Variants in SPATA16 observed in about 807,000 individuals in gnomAD.
SPATA16 encodes the protein spermatogenesis associated 16.
Under a neutral mutation model 63.3 loss-of-function variants are expected in SPATA16, and 36 were observed. The observed-to-expected ratio is 0.57, with a 90% CI of 0.44 to 0.75. SPATA16 has a LOEUF of 0.75. Ranked by LOEUF, SPATA16 falls within the 30% of genes least tolerant of loss-of-function variation. SPATA16 has a pLI of 0.00. For missense variants in SPATA16, 646 were observed against 679.3 expected (o/e 0.95, Z 0.54); for synonymous variants, 203 against 216.7 (o/e 0.94, Z 0.56).
chr3:173,066,432 C>A lies in SPATA16; in HGVS notation c.613-17338G>T, dbSNP rs917506698. 2.6e-5 allele frequency among the ~76,000 whole-genome samples: 4 copies of A among 152,288 alleles called. No homozygotes were observed. The South Asian group carries it at 8.3e-4, about 32-fold the overall frequency. Reference sequence around the variant, plus strand: ...ATGGCCTCGGGAGTGCCTGTGTCAACCCTCCTCCAACTCCAGGCAGCCCAG... The same window carrying A: ...ATGGCCTCGGGAGTGCCTGTGTCAAACCTCCTCCAACTCCAGGCAGCCCAG... On this transcript the variant is annotated intron_variant, in intron 2 of 10. Coordinates refer to ENST00000351008, the MANE Select transcript of SPATA16 (RefSeq NM_031955.6).
intron 10 of SPATA16, among the ~76,000 whole-genome samples, chr3:172,898,203 A>G (rs1577081373): frequency 6.6e-6 from 1 of 151,828 alleles, no homozygotes; most frequent in East Asian, 1.9e-4. Flanking sequence ...TGGTTTGTAG[A>G]TTTTTTGCGT....
At chr3:173,087,453 A>G (rs7636078) in intron 2 of SPATA16, among the ~76,000 whole-genome samples, 5,570 of 152,186 alleles carry the variant, frequency 0.037, 346 homozygotes, top group African/African-American at 0.13. Context: ...ATTACAGCAC[A>G]CTGATGGGTC....
Position 173,028,023 on chromosome 3 carries a change from T to TTTCCTTCCTTCCTTCCTTCC in SPATA16, c.759-8468_759-8449dup, listed in dbSNP as rs1224712418. On this transcript the variant is annotated intron_variant, in intron 3 of 10. Transcript: ENST00000351008. ...CCTCCCTCCCTCCCTCCCTTCCTTC[T>TTTCCTTCCTTCCTTCCTTCC]TTCCTTCCTTCCTTCCTTCCTTCCT... Among the ~76,000 whole-genome samples the TTTCCTTCCTTCCTTCCTTCC allele has an allele frequency of 6.1e-3, 224 of 36,650 alleles. 1 individual carries two copies. The highest frequency in any genetic ancestry group is 0.013 in the African/African-American group (110 of 8,488). The allele number at this position is 36,650 out of a possible 152,430, so 24.0% of individuals were successfully genotyped here.
At chr3:173,134,382 A>C (rs990734851) in intron 1 of SPATA16, among the ~76,000 whole-genome samples, 1 of 152,010 alleles carries the variant, frequency 6.6e-6, no homozygotes. Context: ...CCAGCTACTC[A>C]AGAGGCTGAG....
intron 5 of SPATA16, among the ~76,000 whole-genome samples, chr3:172,976,428 A>C (rs1051246045): frequency 2.0e-5 from 3 of 152,154 alleles, no homozygotes; most frequent in Admixed American, 1.3e-4. Flanking sequence ...TATACGTTTA[A>C]GAAATTATGA....
At chr3:172,932,811 G>A (rs1031881526) in intron 6 of SPATA16, among the ~76,000 whole-genome samples, 1 of 151,686 alleles carries the variant, frequency 6.6e-6, no homozygotes, top group Admixed American at 6.6e-5. Flanking sequence ...ATTTCCCTTT[G>A]ACCTTCATTA....
chr3:172,971,299 A>T (rs1734042420), intron 5 of SPATA16, among the ~76,000 whole-genome samples: 2 of 152,254 alleles, frequency 1.3e-5, no homozygotes, highest in South Asian at 4.1e-4. Flanking sequence ...CAAAATGTTC[A>T]TTGGATTCAT....
chr3:172,998,362 A>C (rs1197437226), intron 4 of SPATA16, among the ~76,000 whole-genome samples: 1 of 152,138 alleles, frequency 6.6e-6, no homozygotes, highest in Non-Finnish European at 1.5e-5. Context: ...TGGTTATAGG[A>C]AAGTGATTGA....
chr3:173,021,071 C>T lies in SPATA16; in HGVS notation c.759-1496G>A, dbSNP rs140885675. ...GTATTCCACATTAAAAACATGCAGACGAAAATAATTCAATTCCCAGAAACA... is the reference window on the plus strand; with the variant it reads ...GTATTCCACATTAAAAACATGCAGATGAAAATAATTCAATTCCCAGAAACA... On this transcript the variant is annotated intron_variant, in intron 3 of 10. Transcript: ENST00000351008. Among the ~76,000 whole-genome samples, 202 of 151,948 alleles carry T rather than the reference C, an allele frequency of 1.3e-3. 1 individual carries two copies. Among genetic ancestry groups the T allele is most frequent in the African/African-American group, 4.6e-3 (189 of 41,434 alleles).
intron 4 of SPATA16, among the ~76,000 whole-genome samples, chr3:173,017,938 G>T (rs959706115): frequency 6.6e-6 from 1 of 152,146 alleles, no homozygotes; most frequent in Non-Finnish European, 1.5e-5. Context: ...CATTCATACT[G>T]CGAGGAAACA....
intron 10 of SPATA16, among the ~76,000 whole-genome samples, chr3:172,891,330 A>G (rs1731890550): frequency 6.6e-6 from 1 of 152,222 alleles, no homozygotes; most frequent in Non-Finnish European, 1.5e-5. Context: ...CATTAAGAGC[A>G]GTACTGAGTA....
At position 173,117,502 on chromosome 3, in the gene SPATA16, A is replaced by C. The variant is rs768524604; in HGVS notation, c.230T>G (p.Leu77Ter). ...KGIKEKQSNDLEKAAFKRKAE... is the reference protein window; with the variant it reads ...KGIKEKQSND ...CTTCCGTTTAAAGGCTGCTTTCTCT[A>C]AATCATTGCTTTGTTTTTCTTTGAT... is the stretch of plus-strand genomic sequence containing the variant. Residue 77 changes from leucine (L) to a stop codon, truncating the protein, a stop_gained, in exon 2 of 11, where the codon TTA becomes TGA. Coordinates refer to ENST00000351008, the MANE Select transcript of SPATA16 (RefSeq NM_031955.6). LOFTEE classifies it high-confidence loss of function. 1.2e-6 allele frequency: 2 copies of C among 1,614,092 alleles called. No homozygotes were observed. The highest frequency in any genetic ancestry group is 1.7e-6 in the Non-Finnish European group (2 of 1,179,994).
intron 1 of SPATA16, among the ~76,000 whole-genome samples, chr3:173,121,737 A>G (rs567687779): frequency 6.6e-6 from 1 of 152,298 alleles, no homozygotes; most frequent in African/African-American, 2.4e-5. Context: ...TTTAAGAGAA[A>G]CAACATTGGA....
intron 6 of SPATA16, among the ~76,000 whole-genome samples, chr3:172,953,578 T>C (rs1487667984): frequency 6.6e-6 from 1 of 152,156 alleles, no homozygotes; most frequent in Non-Finnish European, 1.5e-5. Flanking sequence ...GGAGAACCCA[T>C]GTAGATGCCT....
chr3:173,131,295 A>C (rs1738378947), intron 1 of SPATA16, among the ~76,000 whole-genome samples: 1 of 152,244 alleles, frequency 6.6e-6, no homozygotes, highest in Admixed American at 6.5e-5. Flanking sequence ...GGAGTAGTAG[A>C]TCAGAACTTC....
intron 4 of SPATA16, among the ~76,000 whole-genome samples, chr3:173,015,262 C>G: frequency 6.6e-6 from 1 of 152,030 alleles, no homozygotes; most frequent in Non-Finnish European, 1.5e-5. Flanking sequence ...CGGGGTTGCA[C>G]CATGTTGGCC....
At chr3:173,059,353 AT>A (rs1007482552) in intron 2 of SPATA16, among the ~76,000 whole-genome samples, 8 of 103,562 alleles carry the variant, frequency 7.7e-5, no homozygotes, top group African/African-American at 2.6e-4. Flanking sequence ...TTTTTTGGTT[AT>A]TTTTTTTTCT....
intron 6 of SPATA16, among the ~76,000 whole-genome samples, chr3:172,930,715 T>C (rs1246316482): frequency 6.6e-6 from 1 of 151,906 alleles, no homozygotes; most frequent in Non-Finnish European, 1.5e-5. Context: ...CCTGCCACCA[T>C]ACCTGGCTAA....
intron 4 of SPATA16, among the ~76,000 whole-genome samples, chr3:172,983,645 G>A (rs1003367664): frequency 1.3e-5 from 2 of 151,940 alleles, no homozygotes; most frequent in Non-Finnish European, 2.9e-5. Flanking sequence ...GTTGCAGAGT[G>A]TATTTTTCTT....
Sources: gnomAD v4.1 joint callset for allele counts (sites outside exome capture counted in the v4.1 genomes callset) on GRCh38, gnomAD v4.1.1 for gene constraint, MANE v1.5 for transcripts, NCBI Gene and HGNC (gene_info 2026-07-23, HGNC 2026-07-21) for gene names.